Variants in ETV1 observed in about 807,000 individuals in gnomAD.
The protein encoded by ETV1 is ETS variant transcription factor 1.
A neutral mutation model predicts 62.3 loss-of-function variants in ETV1; 27 were observed. The ratio of observed to expected loss-of-function variants is 0.43; its 90% CI spans 0.32 to 0.60. The LOEUF (loss-of-function observed/expected upper bound fraction) is 0.60. Among genes scored for constraint, ETV1 ranks in the 20% least tolerant of loss-of-function variants. ETV1 has a pLI of 0.06. For synonymous variants in ETV1, 222 were observed against 199.6 expected (o/e 1.11, Z -0.94); for missense variants, 605 against 605.8 (o/e 1.00, Z 0.01).
chr7:13,949,599 T>C (rs1788563594), intron 6 of ETV1, among the ~76,000 whole-genome samples: 1 of 152,038 alleles, frequency 6.6e-6, no homozygotes, highest in South Asian at 2.1e-4. Flanking sequence ...CACACACCAA[T>C]ATCCATTACT....
chr7:13,921,777 G>A (rs1040359247), intron 9 of ETV1, among the ~76,000 whole-genome samples: 4 of 152,166 alleles, frequency 2.6e-5, no homozygotes, highest in African/African-American at 7.2e-5. Flanking sequence ...ACATAGGCAG[G>A]TGGGAGATGA....
At chr7:13,939,475 T>C (rs950288281) in intron 6 of ETV1, among the ~76,000 whole-genome samples, 7 of 152,226 alleles carry the variant, frequency 4.6e-5, no homozygotes, top group African/African-American at 1.7e-4. Flanking sequence ...TTTTCTCTCA[T>C]TACTTAAGTG....
chr7:13,917,021 C>A (rs981315776), intron 9 of ETV1, among the ~76,000 whole-genome samples: 1 of 151,668 alleles, frequency 6.6e-6, no homozygotes, highest in Non-Finnish European at 1.5e-5. Flanking sequence ...TCTGAATTTA[C>A]GTGCTTTTGA....
chr7:13,971,874 G>A (rs1256010400), intron 6 of ETV1, among the ~76,000 whole-genome samples: 1 of 152,204 alleles, frequency 6.6e-6, no homozygotes, highest in African/African-American at 2.4e-5. Context: ...ACTTTGGGAA[G>A]CTAAGGCGGG....
chr7:13,898,347 A>G (rs1782054613), intron 13 of ETV1, among the ~76,000 whole-genome samples: 1 of 152,212 alleles, frequency 6.6e-6, no homozygotes. Flanking sequence ...TTATCTCTTA[A>G]AATTTCAGAA....
intron 9 of ETV1, among the ~76,000 whole-genome samples, chr7:13,916,338 AAAAG>A (rs1784151617): frequency 6.6e-6 from 1 of 152,188 alleles, no homozygotes; most frequent in Admixed American, 6.5e-5. Flanking sequence ...AATCTTAAAA[AAAAG>A]AGAGAAAAGT....
chr7:13,940,363 AAAAAAAAAGAAAAAAAAG>A (rs150976778), intron 6 of ETV1, among the ~76,000 whole-genome samples: 2 of 146,398 alleles, frequency 1.4e-5, no homozygotes, highest in Admixed American at 1.4e-4. Context: ...CTCCACCTCA[AAAAAAAAAGAAAAAAAAG>A]AAAAAAAAGA....
chr7:13,955,861 A>G (rs1789376492), intron 6 of ETV1, among the ~76,000 whole-genome samples: 1 of 152,166 alleles, frequency 6.6e-6, no homozygotes, highest in Non-Finnish European at 1.5e-5. Context: ...ACACATCTCT[A>G]ATTTTTCATC....
In ETV1 at chr7:13,987,035, T is replaced by C. The variant is rs1412690588; in HGVS notation, c.134-350A>G. 205 of 207,658 alleles carry C rather than the reference T, an allele frequency of 9.9e-4. 1 individual carries two copies. Among genetic ancestry groups the C allele is most frequent in the African/African-American group, 4.7e-3 (199 of 42,364 alleles). 12.9% of individuals were successfully genotyped at this position (207,658 alleles called of 1,614,324 possible). A position where few individuals can be genotyped will look rare whatever the true frequency, so the allele number is the denominator to read the frequency against. On this transcript the variant is annotated intron_variant, in intron 4 of 13. Coordinates refer to ENST00000430479, the MANE Select transcript of ETV1 (RefSeq NM_004956.5). ...CACTGAAATCTTCCTTAAATATATT[T>C]AACTCTTGCTAAAATAGTAGTAGGG... is the stretch of plus-strand genomic sequence containing the variant.
At position 13,900,721 on chromosome 7, in the gene ETV1, C is replaced by A. The variant is rs180687180; in HGVS notation, c.1212+17G>T. On this transcript the variant is annotated intron_variant, in intron 13 of 13. Transcript: ENST00000430479. The stretch of plus-strand genomic sequence containing the variant: ...TGCAACATTTCAATGAATTTTAATG[C>A]TGTATTAGCTGCTCACCTTTTGCAT... 3.3e-6 allele frequency: 5 copies of A among 1,496,688 alleles called. No homozygotes were observed. In the Admixed American group the frequency reaches 5.5e-5, roughly 16 times the overall value. 92.7% of individuals were successfully genotyped at this position (1,496,688 alleles called of 1,614,324 possible).
Position 13,895,581 on chromosome 7 carries a change from C to T in ETV1, c.*285G>A. 2 of 390,636 alleles carry T rather than the reference C, an allele frequency of 5.1e-6. No individual in the cohort carries two copies. Among genetic ancestry groups the T allele is most frequent in the Non-Finnish European group, 9.2e-6 (2 of 216,414 alleles). 24.2% of individuals were successfully genotyped at this position (390,636 alleles called of 1,614,324 possible). On this transcript the variant is annotated 3_prime_UTR_variant, in exon 14 of 14. Coordinates refer to ENST00000430479, the MANE Select transcript of ETV1 (RefSeq NM_004956.5). ...CATCATACTCAAAACTTGTAGGACC[C>T]CATCCCAAGCCTAAGTAAAAAGTAA...
At chr7:13,947,480 T>A (rs1298124421) in intron 6 of ETV1, among the ~76,000 whole-genome samples, 2 of 151,874 alleles carry the variant, frequency 1.3e-5, no homozygotes, top group Admixed American at 6.6e-5. Flanking sequence ...TCTCATCAGT[T>A]AAGACAGGAA....
intron 6 of ETV1, among the ~76,000 whole-genome samples, chr7:13,940,533 T>C (rs1787381711): frequency 6.6e-6 from 1 of 152,170 alleles, no homozygotes; most frequent in African/African-American, 2.4e-5. Context: ...ATAGATTCTG[T>C]AATTTACATA....
chr7:13,907,098 T>A (rs557271091), intron 11 of ETV1, among the ~76,000 whole-genome samples: 8 of 152,244 alleles, frequency 5.3e-5, no homozygotes, highest in Non-Finnish European at 1.2e-4. Context: ...CTATTGAAAA[T>A]TTTAATGCAA....
chr7:13,974,227 A>T (rs1781182106), intron 6 of ETV1, among the ~76,000 whole-genome samples: 1 of 152,222 alleles, frequency 6.6e-6, no homozygotes, highest in South Asian at 2.1e-4. Context: ...AAAAATGAAA[A>T]GTTTTAAAGC....
intron 6 of ETV1, among the ~76,000 whole-genome samples, chr7:13,942,540 T>C (rs1787676003): frequency 2.0e-5 from 3 of 152,156 alleles, no homozygotes; most frequent in African/African-American, 7.2e-5. Context: ...AGTTATTTTT[T>C]CTGACCCTCT....
In ETV1 at chr7:13,950,807, G is replaced by C. The variant is rs141208152; in HGVS notation, c.236-11561C>G. Among the ~76,000 whole-genome samples the C allele has an allele frequency of 8.5e-5, 13 of 152,062 alleles. No homozygotes were observed. The East Asian group carries it at 2.3e-3, about 27-fold the overall frequency. ...AGGTTGACAACATTTCTTTGTTTCAGAGTGGTTGCAAATAACCAATTAACT... is the reference window on the plus strand; with the variant it reads ...AGGTTGACAACATTTCTTTGTTTCACAGTGGTTGCAAATAACCAATTAACT... On this transcript the variant is annotated intron_variant, in intron 6 of 13. Transcript: ENST00000430479.
chr7:13,968,448 A>G (rs1257969104), intron 6 of ETV1, among the ~76,000 whole-genome samples: 1 of 151,638 alleles, frequency 6.6e-6, no homozygotes, highest in Non-Finnish European at 1.5e-5. Context: ...AGTGAAAAGT[A>G]TCTACTAGAG....
intron 13 of ETV1, among the ~76,000 whole-genome samples, chr7:13,900,166 T>C (rs1300494403): frequency 6.6e-6 from 1 of 152,058 alleles, no homozygotes; most frequent in African/African-American, 2.4e-5. Flanking sequence ...TTTCAAATAT[T>C]ATGGGAAGCT....
Sources: gnomAD v4.1 joint callset for allele counts (sites outside exome capture counted in the v4.1 genomes callset) on GRCh38, gnomAD v4.1.1 for gene constraint, MANE v1.5 for transcripts, NCBI Gene and HGNC (gene_info 2026-07-23, HGNC 2026-07-21) for gene names.